The following DDX10 variants were observed in gnomAD, a reference collection of about 807,000 sequenced individuals.
DDX10 encodes DEAD-box helicase 10, also known as probable ATP-dependent RNA helicase DDX10.
DDX10 carries 74 observed loss-of-function variants against 104.3 expected under a neutral mutation model. The observed-to-expected ratio is 0.71, with a 90% CI of 0.59 to 0.86. The LOEUF (loss-of-function observed/expected upper bound fraction) is 0.86, where lower values mean the gene tolerates loss of function less well. Among genes scored for constraint, DDX10 ranks in the 40% least tolerant of loss-of-function variants. The probability of loss-of-function intolerance (pLI) is 0.00; values close to 1 mark genes in which losing one functional copy is unlikely to be tolerated. For synonymous variants in DDX10, 351 were observed against 353.4 expected (o/e 0.99, Z 0.08); for missense variants, 952 against 1,040.0 (o/e 0.92, Z 1.16).
At chr11:108,888,890 T>C (rs770550870) in intron 16 of DDX10, among the ~76,000 whole-genome samples, 1 of 152,160 alleles carries the variant, frequency 6.6e-6, no homozygotes, top group African/African-American at 2.4e-5. Context: ...GATTTAGTGA[T>C]AAGAACATAG....
chr11:108,866,233 G>A lies in DDX10; in HGVS notation c.2304+14024G>A, dbSNP rs567723298. 2.0e-5 allele frequency among the ~76,000 whole-genome samples: 3 copies of A among 152,306 alleles called. No individual in the cohort carries two copies. In the East Asian group the frequency reaches 5.8e-4, roughly 29 times the overall value. The stretch of plus-strand genomic sequence containing the variant: ...CAGTTAAGGAACAGGCAGATGAAAA[G>A]CAGCTAGGAAAACTGGTATATTTTT... On this transcript the variant is annotated intron_variant, in intron 16 of 17. Transcript: ENST00000322536.
intron 17 of DDX10, among the ~76,000 whole-genome samples, chr11:108,924,797 C>G (rs186441168): frequency 3.0e-4 from 46 of 152,260 alleles, no homozygotes; most frequent in African/African-American, 1.1e-3. Flanking sequence ...TTCTCAGAAG[C>G]CATTTTCATT....
intron 17 of DDX10, among the ~76,000 whole-genome samples, chr11:108,931,201 T>C (rs1437192063): frequency 1.3e-5 from 2 of 152,206 alleles, no homozygotes; most frequent in Admixed American, 6.5e-5. Context: ...TAAAGACCAA[T>C]ATAATCCAGT....
At chr11:108,699,933 T>G (rs1458113970) in intron 9 of DDX10, among the ~76,000 whole-genome samples, 2 of 152,214 alleles carry the variant, frequency 1.3e-5, no homozygotes, top group Non-Finnish European at 2.9e-5. Flanking sequence ...GTGGCTTAGA[T>G]GGACACTTGC....
intron 16 of DDX10, among the ~76,000 whole-genome samples, chr11:108,912,914 G>A (rs1428019067): frequency 1.3e-5 from 2 of 152,082 alleles, no homozygotes; most frequent in Non-Finnish European, 2.9e-5. Flanking sequence ...GAATGCAATT[G>A]TTTGTCTCTT....
intron 11 of DDX10, among the ~76,000 whole-genome samples, chr11:108,718,424 A>AT (rs1312544496): frequency 3.3e-5 from 5 of 152,008 alleles, no homozygotes; most frequent in Admixed American, 1.3e-4. Context: ...AAACATGTAC[A>AT]TTTTTTTTCT....
intron 13 of DDX10, among the ~76,000 whole-genome samples, chr11:108,742,858 A>G (rs548063284): frequency 6.6e-6 from 1 of 152,332 alleles, no homozygotes; most frequent in African/African-American, 2.4e-5. Context: ...GAATCCCTGA[A>G]GAGACCAATA....
chr11:108,751,904 A>G (rs1299607803), intron 13 of DDX10, among the ~76,000 whole-genome samples: 1 of 152,188 alleles, frequency 6.6e-6, no homozygotes, highest in African/African-American at 2.4e-5. Context: ...GGAAGGCTTT[A>G]AAGAGGTTAA....
intron 13 of DDX10, among the ~76,000 whole-genome samples, chr11:108,818,014 T>C (rs1017128343): frequency 1.3e-5 from 2 of 152,206 alleles, no homozygotes; most frequent in African/African-American, 4.8e-5. Flanking sequence ...TATACAGCAG[T>C]GTTTTAATAC....
At chr11:108,820,455 C>T (rs1248927911) in intron 13 of DDX10, among the ~76,000 whole-genome samples, 1 of 152,210 alleles carries the variant, frequency 6.6e-6, no homozygotes, top group East Asian at 1.9e-4. Context: ...GTCTGCTAGA[C>T]ACAGCATAGA....
Position 108,693,108 on chromosome 11 carries a change from C to T in DDX10, c.1139-408C>T, listed in dbSNP as rs897460022. Among the ~76,000 whole-genome samples the T allele has an allele frequency of 3.3e-5, 5 of 152,172 alleles. 1 individual carries two copies. The highest frequency in any genetic ancestry group is 7.3e-5 in the Non-Finnish European group (5 of 68,040). ...TCCTCTCCCTGTGTCCACTCTTCAACTCCCACTTATGAGTGAGAACATGCA... is the reference window on the plus strand; with the variant it reads ...TCCTCTCCCTGTGTCCACTCTTCAATTCCCACTTATGAGTGAGAACATGCA... On this transcript the variant is annotated intron_variant, in intron 8 of 17. Coordinates refer to ENST00000322536, the MANE Select transcript of DDX10 (RefSeq NM_004398.4).
intron 6 of DDX10, among the ~76,000 whole-genome samples, chr11:108,684,176 C>G (rs368799223): frequency 7.5e-5 from 2 of 26,680 alleles, no homozygotes; most frequent in Admixed American, 6.9e-4. Context: ...TATAGATTTT[C>G]TTTTTTTTTT....
chr11:108,682,766 T>C (rs2094237383), intron 6 of DDX10, among the ~76,000 whole-genome samples: 1 of 152,230 alleles, frequency 6.6e-6, no homozygotes, highest in Non-Finnish European at 1.5e-5. Flanking sequence ...AGAATTTTTC[T>C]TTTGCTCAGA....
intron 13 of DDX10, among the ~76,000 whole-genome samples, chr11:108,837,607 C>CTTTT (rs142381520): frequency 0.01 from 351 of 34,748 alleles, 121 homozygotes; most frequent in Middle Eastern, 0.021. Context: ...TTGGATACAG[C>CTTTT]TTTTTTTTTT....
At chr11:108,894,625 G>A (rs1009481385) in intron 16 of DDX10, among the ~76,000 whole-genome samples, 8 of 151,936 alleles carry the variant, frequency 5.3e-5, no homozygotes, top group South Asian at 2.1e-4. Flanking sequence ...TTCTGTTGCC[G>A]AAGTGTCATG....
chr11:108,752,269 G>A (rs1007586718), intron 13 of DDX10, among the ~76,000 whole-genome samples: 2 of 152,080 alleles, frequency 1.3e-5, no homozygotes, highest in Non-Finnish European at 2.9e-5. Context: ...TAAACCTACC[G>A]GGTTCCTCTT....
intron 5 of DDX10, among the ~76,000 whole-genome samples, chr11:108,678,870 ATTTTTTTTT>A (rs769948315): frequency 8.6e-5 from 8 of 92,704 alleles, no homozygotes; most frequent in South Asian, 4.0e-4. Flanking sequence ...GTTTCCCCTA[ATTTTTTTTT>A]TTTTTTTTTT....
At chr11:108,817,286 G>A (rs1862268604) in intron 13 of DDX10, among the ~76,000 whole-genome samples, 1 of 151,808 alleles carries the variant, frequency 6.6e-6, no homozygotes, top group Non-Finnish European at 1.5e-5. Flanking sequence ...TTCTCTTATT[G>A]CCTTCCACCC....
chr11:108,707,658 C>T (rs1192657102), intron 10 of DDX10, among the ~76,000 whole-genome samples: 2 of 152,078 alleles, frequency 1.3e-5, no homozygotes, highest in African/African-American at 2.4e-5. Flanking sequence ...TCTGAGGGGT[C>T]AGGGAGAATA....
Sources: gnomAD v4.1 joint callset for allele counts (sites outside exome capture counted in the v4.1 genomes callset) on GRCh38, gnomAD v4.1.1 for gene constraint, MANE v1.5 for transcripts, NCBI Gene and HGNC (gene_info 2026-07-23, HGNC 2026-07-21) for gene names.